The following STK3 variants were observed in gnomAD, a reference collection of about 807,000 sequenced individuals.
STK3 encodes the protein serine/threonine kinase 3, also known as serine/threonine-protein kinase 3.
A neutral mutation model predicts 58.0 loss-of-function variants in STK3; 41 were observed. That is an observed-to-expected ratio of 0.71 (90% CI 0.55 to 0.92). STK3 has a LOEUF of 0.92. Ranked by LOEUF, STK3 falls within the 40% of genes least tolerant of loss-of-function variation. The pLI is 0.00. For synonymous variants in STK3, 170 were observed against 191.0 expected (o/e 0.89, Z 0.91); for missense variants, 479 against 602.7 (o/e 0.79, Z 2.15).
intron 4 of STK3, among the ~76,000 whole-genome samples, chr8:98,720,557 T>C (rs1827326757): frequency 6.6e-6 from 1 of 152,092 alleles, no homozygotes; most frequent in Non-Finnish European, 1.5e-5. Context: ...GAGACCATCC[T>C]GGCTAACACA....
At position 98,598,554 on chromosome 8, in the gene STK3, A is replaced by T. The variant is rs577903294; in HGVS notation, c.685-2385T>A. The T allele has an allele frequency of 1.2e-5, 12 of 985,372 alleles. No homozygotes were observed. In the South Asian group the frequency reaches 5.2e-4, roughly 42 times the overall value. The allele number at this position is 985,372 out of a possible 1,614,324, so 61.0% of individuals were successfully genotyped here. A position where few individuals can be genotyped will look rare whatever the true frequency, so the allele number is the denominator to read the frequency against. ...CAGCCTTACTGTACTAATTTAACTA[A>T]TTTAACCTAATAATGAACCACAGAG... On this transcript the variant is annotated intron_variant, in intron 6 of 10. Coordinates refer to ENST00000419617, the MANE Select transcript of STK3 (RefSeq NM_006281.4).
At chr8:98,745,122 T>G (rs1432631599) in intron 4 of STK3, among the ~76,000 whole-genome samples, 2 of 152,126 alleles carry the variant, frequency 1.3e-5, no homozygotes, top group African/African-American at 4.8e-5. Flanking sequence ...ATCTAACCTC[T>G]CCAGTGGTCA....
At chr8:98,473,376 T>A (rs1451007228) in intron 10 of STK3, among the ~76,000 whole-genome samples, 2 of 152,174 alleles carry the variant, frequency 1.3e-5, no homozygotes, top group Non-Finnish European at 2.9e-5. Flanking sequence ...GTCTTTAGCA[T>A]CAACATGATA....
chr8:98,790,813 T>A (rs541393649), intron 1 of STK3, among the ~76,000 whole-genome samples: 2 of 152,034 alleles, frequency 1.3e-5, no homozygotes, highest in Admixed American at 1.3e-4. Flanking sequence ...TGAAACCCCG[T>A]CTCTACTAAA....
At position 98,907,453 on chromosome 8, in the gene STK3, C is replaced by G. The variant is rs543061357; in HGVS notation, c.-78-23619G>C. On this transcript the variant is annotated intron_variant, in intron 1 of 1. Coordinates refer to the STK3 transcript ENST00000519420. ...CCTTGAACCTGGGAGGCAGAAGTTACAGTGAGCCGAGATTGTGCCACTGCA... is the reference window on the plus strand; with the variant it reads ...CCTTGAACCTGGGAGGCAGAAGTTAGAGTGAGCCGAGATTGTGCCACTGCA... Among the ~76,000 whole-genome samples the G allele has an allele frequency of 2.0e-5, 3 of 152,188 alleles. No individual in the cohort carries two copies. The South Asian group carries it at 6.2e-4, about 32-fold the overall frequency.
intron 6 of STK3, among the ~76,000 whole-genome samples, chr8:98,647,805 C>A (rs181300347): frequency 3.3e-5 from 5 of 152,294 alleles, no homozygotes; most frequent in Non-Finnish European, 1.5e-5. Context: ...TTGCACCCAG[C>A]CTTGATGTCA....
chr8:98,633,565 T>G (rs988724312), intron 6 of STK3: 1 of 736,792 alleles, frequency 1.4e-6, no homozygotes, highest in African/African-American at 1.7e-5. Context: ...CAGAGGCTCT[T>G]CAGGTTCTCC....
the STK3 span, among the ~76,000 whole-genome samples, chr8:98,344,636 G>C: frequency 6.6e-6 from 1 of 152,122 alleles, no homozygotes; most frequent in Non-Finnish European, 1.5e-5. Flanking sequence ...GCTCACGCCT[G>C]TAATCCCAGC....
chr8:98,543,912 C>T (rs1810486720), intron 9 of STK3, among the ~76,000 whole-genome samples: 2 of 152,078 alleles, frequency 1.3e-5, no homozygotes, highest in Admixed American at 6.6e-5. Context: ...TGAGACTGGA[C>T]CATATCAAAG....
rs1290684409 is a variant in STK3, at chr8:98,742,840, T to C, written c.351+6436A>G. 3.9e-5 allele frequency among the ~76,000 whole-genome samples: 6 copies of C among 151,996 alleles called. No individual in the cohort carries two copies. The South Asian group carries it at 6.2e-4, about 16-fold the overall frequency. ...GGATATCTAGAAAACCCCATTGTCT[T>C]AGCCCAAAATCTCCTTAAGCTGATA... On this transcript the variant is annotated intron_variant, in intron 4 of 10. Transcript: ENST00000419617.
chr8:98,464,863 A>C (rs1264121598), intron 10 of STK3, among the ~76,000 whole-genome samples: 1 of 152,104 alleles, frequency 6.6e-6, no homozygotes, highest in Non-Finnish European at 1.5e-5. Flanking sequence ...CCCCTTCCCC[A>C]AACAGACATT....
At chr8:98,494,679 A>AGAG (rs1271753459) in intron 10 of STK3, among the ~76,000 whole-genome samples, 1 of 150,470 alleles carries the variant, frequency 6.6e-6, no homozygotes, top group African/African-American at 2.4e-5. Context: ...AAAAAAAAAA[A>AGAG]AGAGAGAGAG....
At chr8:98,643,566 A>C (rs1820182163) in intron 6 of STK3, among the ~76,000 whole-genome samples, 3 of 152,176 alleles carry the variant, frequency 2.0e-5, no homozygotes, top group Admixed American at 6.5e-5. Flanking sequence ...TCACCATCCA[A>C]TGATATATTT....
chr8:98,747,877 T>C (rs1037280882), intron 4 of STK3, among the ~76,000 whole-genome samples: 1 of 152,166 alleles, frequency 6.6e-6, no homozygotes, highest in African/African-American at 2.4e-5. Context: ...CTCCCCAACA[T>C]GCTCAGTGGA....
chr8:98,526,814 A>G lies in STK3; in HGVS notation c.1245T>C (p.His415=). Residue 415 remains histidine (H), a synonymous_variant, in exon 10 of 11, where the codon CAT becomes CAC. Coordinates refer to ENST00000419617, the MANE Select transcript of STK3 (RefSeq NM_006281.4). Reference sequence around the variant, plus strand: ...CGTTTTTGGACATAGGGAAGGGTTCATGCATGTTCTGATTACAGTTTTCGT... The same window carrying G: ...CGTTTTTGGACATAGGGAAGGGTTCGTGCATGTTCTGATTACAGTTTTCGT... ...KSHENCNQNM[H]EPFPMSKNVF... The G allele has an allele frequency of 6.3e-7, 1 of 1,599,378 alleles. No individual in the cohort carries two copies. The highest frequency in any genetic ancestry group is 2.2e-5 in the East Asian group (1 of 44,566).
At chr8:98,446,149 C>T (rs942177800) in intron 1 of STK3, among the ~76,000 whole-genome samples, 2 of 152,210 alleles carry the variant, frequency 1.3e-5, no homozygotes, top group Admixed American at 6.5e-5. Flanking sequence ...GCCTTTCTCC[C>T]TTTCCTGCCT....
intron 10 of STK3, among the ~76,000 whole-genome samples, chr8:98,467,354 T>G (rs1820550729): frequency 6.6e-6 from 1 of 152,106 alleles, no homozygotes; most frequent in Admixed American, 6.5e-5. Flanking sequence ...CAATATTTAT[T>G]GAATGAATGA....
chr8:98,481,396 A>G (rs1284665258), intron 10 of STK3, among the ~76,000 whole-genome samples: 3 of 152,202 alleles, frequency 2.0e-5, no homozygotes, highest in African/African-American at 7.2e-5. Context: ...TGTTATATCT[A>G]TATCATGGAA....
intron 8 of STK3, among the ~76,000 whole-genome samples, chr8:98,576,853 T>C (rs528504349): frequency 6.6e-6 from 1 of 152,266 alleles, no homozygotes; most frequent in African/African-American, 2.4e-5. Context: ...TCTGCACCAG[T>C]CCCTCAGGGA....
Sources: allele counts gnomAD v4.1 joint callset (sites outside exome capture counted in the v4.1 genomes callset), GRCh38; gene constraint gnomAD v4.1.1; transcripts MANE v1.5; gene names NCBI Gene and HGNC (gene_info 2026-07-23, HGNC 2026-07-21).